The following FER1L6 variants were observed in gnomAD, a reference collection of about 807,000 sequenced individuals.
FER1L6 encodes fer-1 like family member 6.
In FER1L6, 177 loss-of-function variants were observed where a neutral mutation model predicts 219.2. The ratio of observed to expected loss-of-function variants is 0.81; its 90% CI spans 0.71 to 0.91. The LOEUF is 0.91. Ranked by LOEUF, FER1L6 falls within the 40% of genes least tolerant of loss-of-function variation. The pLI, the probability that FER1L6 is intolerant of heterozygous loss-of-function variation, is 0.00. For synonymous variants in FER1L6, 768 were observed against 824.3 expected, an observed-to-expected ratio of 0.93 and a Z score of 1.17; for missense variants, 2,153 against 2,259.9, an observed-to-expected ratio of 0.95 and a Z score of 0.96.
chr8:124,013,624 C>A, intron 15 of FER1L6, 93 bp downstream of exon 15: 1 of 733,864 alleles, frequency 1.4e-6, no homozygotes, highest in Non-Finnish European at 2.2e-6. Context: ...CACATGCATT[C>A]AAATGGGTGT....
chr8:124,030,923 G>A (rs778790651), intron 18 of FER1L6, among the ~76,000 whole-genome samples: 2 of 152,164 alleles, frequency 1.3e-5, no homozygotes, highest in South Asian at 2.1e-4. Context: ...CCCCGTGGGA[G>A]GTGGGGAAGG....
chr8:123,854,708 C>T (rs183180305), intron 1 of FER1L6, among the ~76,000 whole-genome samples: 1 of 152,204 alleles, frequency 6.6e-6, no homozygotes, highest in African/African-American at 2.4e-5. Flanking sequence ...AAGAAAGAAG[C>T]CCATTCTGGG....
chr8:123,910,533 A>G (rs1813033067), intron 1 of FER1L6, among the ~76,000 whole-genome samples: 1 of 152,180 alleles, frequency 6.6e-6, no homozygotes, highest in South Asian at 2.1e-4. Context: ...ACATAATTTC[A>G]TTCAGTGGAA....
intron 5 of FER1L6, 88 bp downstream of exon 5, chr8:123,966,378 GC>G: frequency 6.6e-7 from 1 of 1,522,972 alleles, no homozygotes. Flanking sequence ...AAAGAGCTGT[GC>G]CCCTCCTGCC....
At chr8:123,931,282 C>T (rs1179663519) in intron 1 of FER1L6, among the ~76,000 whole-genome samples, 1 of 152,214 alleles carries the variant, frequency 6.6e-6, no homozygotes, top group Non-Finnish European at 1.5e-5. Context: ...TTACCCCAGC[C>T]TGAGCTTCTT....
intron 1 of FER1L6, among the ~76,000 whole-genome samples, chr8:123,875,692 C>T (rs899893698): frequency 5.9e-5 from 9 of 152,192 alleles, no homozygotes; most frequent in African/African-American, 2.2e-4. Context: ...CCCACCTGTG[C>T]CACCCATATA....
chr8:123,953,028 G>T (rs1814840482), intron 1 of FER1L6, among the ~76,000 whole-genome samples: 1 of 152,184 alleles, frequency 6.6e-6, no homozygotes, highest in Non-Finnish European at 1.5e-5. Flanking sequence ...TCAGGCAGGT[G>T]CCCAAGCTGA....
At chr8:124,114,224 C>CA (rs1823138272) in intron 39 of FER1L6, among the ~76,000 whole-genome samples, 1 of 152,038 alleles carries the variant, frequency 6.6e-6, no homozygotes, top group African/African-American at 2.4e-5. Flanking sequence ...CCCTCCTCCC[C>CA]CACCCCCCAA....
chr8:123,982,887 A>G (rs1346232823), intron 11 of FER1L6, among the ~76,000 whole-genome samples: 2 of 152,202 alleles, frequency 1.3e-5, no homozygotes, highest in South Asian at 4.1e-4. Flanking sequence ...ATCCTGTGAC[A>G]TGGCAGCTGG....
intron 1 of FER1L6, among the ~76,000 whole-genome samples, chr8:123,865,888 C>T (rs1407431861): frequency 6.6e-6 from 1 of 151,416 alleles, no homozygotes; most frequent in Non-Finnish European, 1.5e-5. Context: ...TCTGGCACTC[C>T]CTAGTGAGAT....
chr8:123,867,311 G>T (rs73703693), intron 1 of FER1L6, among the ~76,000 whole-genome samples: 2,395 of 152,206 alleles, frequency 0.016, 55 homozygotes, highest in African/African-American at 0.055. Flanking sequence ...GGGACAATGT[G>T]GTCCCACACA....
At chr8:124,089,533 C>A (rs1463313135) in intron 33 of FER1L6, among the ~76,000 whole-genome samples, 3 of 152,288 alleles carry the variant, frequency 2.0e-5, no homozygotes, top group East Asian at 3.9e-4. Context: ...TGTCTCCCTC[C>A]CCCAAACTCC....
At chr8:124,082,598 C>A in intron 33 of FER1L6, 140 bp downstream of exon 33, 1 of 707,206 alleles carries the variant, frequency 1.4e-6, no homozygotes, top group Non-Finnish European at 2.3e-6. Context: ...GGCTCCACAT[C>A]AGCAGAGCTG....
At position 124,103,293 on chromosome 8, in the gene FER1L6, A is replaced by C; in HGVS notation, c.5273A>C (p.Lys1758Thr). 1 of 1,613,996 alleles carries C rather than the reference A, an allele frequency of 6.2e-7. No individual in the cohort carries two copies. Among genetic ancestry groups the C allele is most frequent in the Non-Finnish European group, 8.5e-7 (1 of 1,179,946 alleles). ...GTGCGTGGCTGGTGGCCTTTTTCTA[A>C]AAGCAAAGAACTCACAGTAAGTGAC... ...KRVRGWWPFS[K>T]SKELTGKVEA... Residue 1758 changes from lysine (K) to threonine (T), a missense_variant, in exon 39 of 41, where the codon AAA (lysine) becomes ACA (threonine). Coordinates refer to ENST00000522917, the MANE Select transcript of FER1L6 (RefSeq NM_001039112.2).
At chr8:124,080,456 T>A (rs1264984394) in intron 32 of FER1L6, among the ~76,000 whole-genome samples, 1 of 152,154 alleles carries the variant, frequency 6.6e-6, no homozygotes, top group East Asian at 1.9e-4. Context: ...TAGCTGGGAC[T>A]ACAGACGCCT....
intron 31 of FER1L6, among the ~76,000 whole-genome samples, chr8:124,073,425 T>C (rs939597284): frequency 2.6e-5 from 4 of 152,316 alleles, no homozygotes; most frequent in Middle Eastern, 3.4e-3. Context: ...TTTTCATTGA[T>C]ATTTCTAGTA....
At chr8:123,976,965 G>A (rs1174330627) in intron 9 of FER1L6, among the ~76,000 whole-genome samples, 1 of 152,210 alleles carries the variant, frequency 6.6e-6, no homozygotes, top group Non-Finnish European at 1.5e-5. Flanking sequence ...TACCCTGATT[G>A]TGTCCCCTTG....
At chr8:124,092,825 G>A (rs1003263251) in intron 34 of FER1L6, among the ~76,000 whole-genome samples, 4 of 150,550 alleles carry the variant, frequency 2.7e-5, no homozygotes, top group Admixed American at 2.0e-4. Context: ...AGAGCAGGAC[G>A]AAGAGAGAAA....
rs143216790 is a variant in FER1L6 at position 123,853,565 on chromosome 8, C to T, written c.-8+1380C>T. On this transcript the variant is annotated intron_variant, in intron 1 of 40. Coordinates refer to ENST00000522917, the MANE Select transcript of FER1L6 (RefSeq NM_001039112.2). This position sits in a 1 kb window ranked among gnomAD's most constrained non-coding sequence, Gnocchi z 6.6. ...CTGTTGAAAAATTGTTACTTTTTTC[C>T]TGGGGTATTGTATTAATCAGGGGAG... Among the ~76,000 whole-genome samples the T allele has an allele frequency of 2.8e-4, 42 of 152,140 alleles. No individual in the cohort carries two copies. The highest frequency in any genetic ancestry group is 8.4e-4 in the African/African-American group (35 of 41,516).
Sources: allele counts gnomAD v4.1 joint callset (sites outside exome capture counted in the v4.1 genomes callset), GRCh38; gene constraint gnomAD v4.1.1; non-coding constraint Gnocchi (gnomAD v3.1); transcripts MANE v1.5; gene names NCBI Gene and HGNC (gene_info 2026-07-23, HGNC 2026-07-21).